The following FAT4 variants were observed in gnomAD, a reference collection of about 807,000 sequenced individuals.
FAT4 encodes the protein protocadherin Fat 4.
In FAT4, 84 loss-of-function variants were observed where a neutral mutation model predicts 303.9. The observed-to-expected ratio is 0.28, with a 90% confidence interval of 0.23 to 0.33. FAT4 has a LOEUF of 0.33. Among genes scored for constraint, FAT4 ranks in the 10% least tolerant of loss-of-function variants. The pLI, the probability that FAT4 is intolerant of heterozygous loss-of-function variation, is 1.00. For missense variants in FAT4, 6,005 were observed against 6,146.8 expected (o/e 0.98, Z 0.77); for synonymous variants, 2,307 against 2,298.8 (o/e 1.00, Z -0.10).
At chr4:125,452,903 A>T in intron 10 of FAT4, 93 bp downstream of exon 10, 2 of 1,390,918 alleles carry the variant, frequency 1.4e-6, no homozygotes, top group Non-Finnish European at 2.0e-6. Flanking sequence ...TGATTTTCAT[A>T]TAAATGAGCA....
At chr4:125,353,356 T>G (rs1732304046) in intron 2 of FAT4, among the ~76,000 whole-genome samples, 7 of 151,790 alleles carry the variant, frequency 4.6e-5, no homozygotes, top group Admixed American at 1.3e-4. Flanking sequence ...TGTCCACTAT[T>G]GGCTTGTCCA....
At chr4:125,413,983 A>T (rs900616794) in intron 5 of FAT4, among the ~76,000 whole-genome samples, 3 of 152,042 alleles carry the variant, frequency 2.0e-5, no homozygotes, top group Non-Finnish European at 4.4e-5. Flanking sequence ...TTTTATCATA[A>T]TATCCTGTAA....
In FAT4 at chr4:125,415,700, G is replaced by T; in HGVS notation, c.6737G>T (p.Ser2246Ile). The T allele has an allele frequency of 6.2e-7, 1 of 1,613,968 alleles. No individual in the cohort carries two copies. The highest frequency in any genetic ancestry group is 1.3e-5 in the African/African-American group (1 of 75,026). Residue 2246 changes from serine (S) to isoleucine (I), a missense_variant, in exon 6 of 18, where the codon AGC becomes ATC. Physicochemically the swap from Ser to Ile is moderately radical, Grantham distance 142. Transcript: ENST00000394329. ...CCCAGAACTGATACCTCCACGGTCA[G>T]CATTGTTCTACTGGATATTAATGAC... ...STPRTDTSTV[S>I]IVLLDINDFV...
In FAT4 at chr4:125,490,771, C is replaced by T; in HGVS notation, c.13955C>T (p.Ser4652Leu). 6.2e-7 allele frequency: 1 copy of T among 1,614,122 alleles called. No homozygotes were observed. Among genetic ancestry groups the T allele is most frequent in the Non-Finnish European group, 8.5e-7 (1 of 1,180,044 alleles). Residue 4652 changes from serine to leucine, a missense_variant, in exon 18 of 18, where the codon TCA (serine) becomes TTA (leucine). Coordinates refer to ENST00000394329, the MANE Select transcript of FAT4 (RefSeq NM_001291303.3). ...TTCCGCAGCCACACACCAAAATTTT[C>T]AATCCAGAGGCACAGTCCCCTAGGC... ...KQFRSHTPKFSIQRHSPLGFA... is the reference protein window; with the variant it reads ...KQFRSHTPKFLIQRHSPLGFA...
chr4:125,468,905 G>A (rs1726766430), intron 12 of FAT4, 86 bp downstream of exon 12: 4 of 1,362,886 alleles, frequency 2.9e-6, no homozygotes, highest in South Asian at 2.9e-5. Context: ...TGTTAAATTA[G>A]GTTTATTCAT....
intron 2 of FAT4, among the ~76,000 whole-genome samples, chr4:125,381,383 A>G (rs1157450184): frequency 1.3e-5 from 2 of 152,200 alleles, no homozygotes; most frequent in Admixed American, 1.3e-4. Flanking sequence ...ATTTAGTTCT[A>G]GACAACTGCA....
chr4:125,389,952 G>C (rs1401444626), intron 2 of FAT4, among the ~76,000 whole-genome samples: 2 of 152,088 alleles, frequency 1.3e-5, no homozygotes, highest in Non-Finnish European at 2.9e-5. Flanking sequence ...AACCATAATA[G>C]ATTTTGGCTC....
Position 125,315,125 on chromosome 4 carries a change from G to A in FAT4, c.-865G>A, listed in dbSNP as rs554908777. ...GTGCGGCGGGGAAGGGGCGGGGAGA[G>A]TGTGAGGGACCAGGCGGGAGGTGGA... On this transcript the variant is annotated 5_prime_UTR_variant, in exon 1 of 18. It adds an upstream start codon to the 5' untranslated region. Transcript: ENST00000394329. 4.9e-4 allele frequency among the ~76,000 whole-genome samples: 74 copies of A among 152,052 alleles called. 1 individual carries two copies. The highest frequency in any genetic ancestry group is 2.5e-3 in the Admixed American group (38 of 15,292).
intron 8 of FAT4, among the ~76,000 whole-genome samples, chr4:125,443,271 A>G (rs1260859325): frequency 2.0e-5 from 3 of 152,186 alleles, no homozygotes; most frequent in African/African-American, 7.2e-5. Flanking sequence ...ATAGTAATGT[A>G]TTCTCAAATT....
In FAT4 at chr4:125,317,927, C is replaced by G; in HGVS notation, c.1516C>G (p.Leu506Val). 6.2e-7 allele frequency: 1 copy of G among 1,614,186 alleles called. No individual in the cohort carries two copies. The highest frequency in any genetic ancestry group is 8.5e-7 in the Non-Finnish European group (1 of 1,180,040). ...ATCTGCCACTGATGGCGACTCTGGT[C>G]TCAATGCTAATCTGCGTTACAGCAT... ...GISATDGDSG[L>V]NANLRYSIVS... is the part of the protein sequence containing the mutation. The change falls in exon 2 of 18, where the codon CTC becomes GTC. Residue 506 changes from leucine (L) to valine (V), a missense_variant. Coordinates refer to ENST00000394329, the MANE Select transcript of FAT4 (RefSeq NM_001291303.3). This position sits in a 1 kb window ranked among gnomAD's most constrained non-coding sequence, Gnocchi z 7.0.
Position 125,490,418 on chromosome 4 carries a change from G to T in FAT4, c.13602G>T (p.Lys4534Asn). 6.2e-7 allele frequency: 1 copy of T among 1,614,152 alleles called. No individual in the cohort carries two copies. The highest frequency in any genetic ancestry group is 8.5e-7 in the Non-Finnish European group (1 of 1,180,042). Residue 4534 changes from lysine (K) to asparagine (N), a missense_variant, in exon 18 of 18, where the codon AAG (lysine) becomes AAT (asparagine). Lys to Asn is a moderately conservative substitution (Grantham distance 94). Transcript: ENST00000394329. ...SLILCNQCRG[K>N]KAKNPKEEKK... ...TCCTGTGTAACCAGTGCAGGGGGAA[G>T]AAGGCCAAAAATCCCAAAGAGGAGA...
intron 2 of FAT4, among the ~76,000 whole-genome samples, chr4:125,356,549 G>GTTT (rs57855830): frequency 7.6e-6 from 1 of 131,442 alleles, no homozygotes; most frequent in Non-Finnish European, 1.6e-5. Flanking sequence ...TTTGTTTTTT[G>GTTT]TTTTTTTTTT....
At chr4:125,329,060 A>AT (rs1268165881) in intron 2 of FAT4, among the ~76,000 whole-genome samples, 2 of 152,206 alleles carry the variant, frequency 1.3e-5, no homozygotes, top group African/African-American at 4.8e-5. Context: ...TTAGGTCCCT[A>AT]TTAACCTTTA....
At chr4:125,374,043 A>G (rs1560785173) in intron 2 of FAT4, among the ~76,000 whole-genome samples, 1 of 152,210 alleles carries the variant, frequency 6.6e-6, no homozygotes, top group East Asian at 1.9e-4. Context: ...GATCTCTACT[A>G]ACCTTGAAAT....
At position 125,406,962 on chromosome 4, in the gene FAT4, T is replaced by G; in HGVS notation, c.5390T>G (p.Ile1797Arg). 1 of 1,613,858 alleles carries G rather than the reference T, an allele frequency of 6.2e-7. No individual in the cohort carries two copies. ...ATCGACCCAGAATCCGGAGATCTGA[T>G]AGCAACCAGGCGGTTGGACAGGGAA... is the stretch of plus-strand genomic sequence containing the variant. The part of the protein sequence containing the change: ...FRIDPESGDL[I>R]ATRRLDRERR... Residue 1797 changes from isoleucine (I) to arginine (R), a missense_variant, in exon 4 of 18, where the codon ATA (isoleucine) becomes AGA (arginine). Ile to Arg is a moderately conservative substitution (Grantham distance 97). Transcript: ENST00000394329.
chr4:125,387,191 A>G (rs1475525840), intron 2 of FAT4, among the ~76,000 whole-genome samples: 1 of 152,184 alleles, frequency 6.6e-6, no homozygotes, highest in Non-Finnish European at 1.5e-5. Context: ...CCTGTTATAG[A>G]CTAATAACCA....
intron 2 of FAT4, among the ~76,000 whole-genome samples, chr4:125,374,747 C>T (rs2710583): frequency 0.048 from 7,330 of 152,124 alleles, 563 homozygotes; most frequent in African/African-American, 0.16. Flanking sequence ...ATTCTCCACT[C>T]AATGAATACA....
In FAT4 at chr4:125,393,919, C is replaced by T. The variant is rs763767181; in HGVS notation, c.5176-4865C>T. The T allele has an allele frequency of 2.0e-4, 154 of 779,448 alleles. 1 individual carries two copies. The Admixed American group carries it at 2.6e-3, about 13-fold the overall frequency. 48.3% of individuals were successfully genotyped at this position (779,448 alleles called of 1,614,324 possible). ...AGGTGACTCAGTCAAGAAAGTCATT[C>T]TTGTGAAGCTACCTAAATGGTAACA... On this transcript the variant is annotated intron_variant, in intron 2 of 17. Transcript: ENST00000394329.
intron 12 of FAT4, 140 bp downstream of exon 12, chr4:125,468,959 T>A (rs1016821627): frequency 1.1e-6 from 1 of 882,974 alleles, no homozygotes; most frequent in Non-Finnish European, 1.7e-6. Flanking sequence ...ATAATATTTT[T>A]CTTTTGCTCA....
Sources: allele counts gnomAD v4.1 joint callset (sites outside exome capture counted in the v4.1 genomes callset), GRCh38; gene constraint gnomAD v4.1.1; non-coding constraint Gnocchi (gnomAD v3.1); transcripts MANE v1.5; gene names NCBI Gene and HGNC (gene_info 2026-07-23, HGNC 2026-07-21).